Variants in EXD1 observed in about 807,000 individuals in gnomAD.
The protein encoded by EXD1 is exonuclease 3'-5' domain containing 1.
In EXD1, 63 loss-of-function variants were observed where a neutral mutation model predicts 49.1. The observed-to-expected ratio is 1.28, with a 90% CI of 1.05 to 1.58. The LOEUF (loss-of-function observed/expected upper bound fraction) is 1.58, where lower values mean the gene tolerates loss of function less well. EXD1 is among the 40% of genes most tolerant of loss of function. The pLI is 0.00. For synonymous variants in EXD1, 234 were observed against 239.2 expected (o/e 0.98, Z 0.20); for missense variants, 748 against 666.0 (o/e 1.12, Z -1.36).
In EXD1 at chr15:41,230,631, C is replaced by T; in HGVS notation, c.-206G>A. 2.1e-6 allele frequency: 3 copies of T among 1,424,250 alleles called. No individual in the cohort carries two copies. The highest frequency in any genetic ancestry group is 2.9e-6 in the Non-Finnish European group (3 of 1,025,174). The allele number at this position is 1,424,250 out of a possible 1,614,324, so 88.2% of individuals were successfully genotyped here. The stretch of plus-strand genomic sequence containing the variant: ...GGGGCTGCAATGAAGGAAGAAGTCT[C>T]GGGACGCTCCACGCCACCCGGCGGC... On this transcript the variant is annotated 5_prime_UTR_variant, in exon 1 of 12. Transcript: ENST00000458580.
chr15:41,217,696 C>T (rs1391065000), intron 3 of EXD1, among the ~76,000 whole-genome samples: 1 of 152,040 alleles, frequency 6.6e-6, no homozygotes, highest in South Asian at 2.1e-4. Flanking sequence ...CCACCACACA[C>T]AGCTAACTTT....
chr15:41,219,754 A>G (rs1295458612), intron 3 of EXD1, 76 bp downstream of exon 3: 11 of 1,243,778 alleles, frequency 8.8e-6, no homozygotes, highest in Non-Finnish European at 1.2e-5. Flanking sequence ...CATAAGCACA[A>G]CATTAAGACA....
chr15:41,211,585 G>C (rs975397967), intron 6 of EXD1, among the ~76,000 whole-genome samples: 2 of 152,100 alleles, frequency 1.3e-5, no homozygotes, highest in Non-Finnish European at 2.9e-5. Context: ...CAGTGAAGGA[G>C]GCTGAGGAGG....
intron 7 of EXD1, among the ~76,000 whole-genome samples, chr15:41,208,028 A>AAGAG (rs1387387329): frequency 6.6e-6 from 1 of 151,624 alleles, no homozygotes; most frequent in Non-Finnish European, 1.5e-5. Context: ...AAAAAAAAGA[A>AAGAG]AGAGAGAAAA....
At chr15:41,184,896 T>C (rs1239025039) in intron 11 of EXD1, among the ~76,000 whole-genome samples, 1 of 152,154 alleles carries the variant, frequency 6.6e-6, no homozygotes, top group African/African-American at 2.4e-5. Flanking sequence ...GACCTCGTGA[T>C]CCACCTGCCT....
intron 4 of EXD1, 108 bp from the exon 5 acceptor site, chr15:41,216,903 G>A (rs2047008150): frequency 2.7e-6 from 4 of 1,493,682 alleles, no homozygotes; most frequent in African/African-American, 1.4e-5. Context: ...TCATTAACTA[G>A]AGGACCCATT....
chr15:41,214,938 G>A (rs79442342), intron 6 of EXD1, among the ~76,000 whole-genome samples: 24,458 of 151,864 alleles, frequency 0.16, 3,625 homozygotes, highest in African/African-American at 0.39. Flanking sequence ...GTAGAGACGG[G>A]TTTTCACCGT....
At chr15:41,226,368 A>G in intron 2 of EXD1, 75 bp downstream of exon 2, 2 of 1,385,124 alleles carry the variant, frequency 1.4e-6, no homozygotes, top group Non-Finnish European at 2.0e-6. Flanking sequence ...CACCCTCCCA[A>G]TCACTAATGG....
At chr15:41,216,817 T>C (rs768965082) in intron 4 of EXD1, 22 bp from the exon 5 acceptor site, 10 of 1,611,208 alleles carry the variant, frequency 6.2e-6, no homozygotes, top group Non-Finnish European at 8.5e-6. Flanking sequence ...AGAAACAATA[T>C]TTGGGTGAAC....
intron 7 of EXD1, among the ~76,000 whole-genome samples, chr15:41,198,551 C>T (rs2140843892): frequency 6.6e-6 from 1 of 151,870 alleles, no homozygotes; most frequent in East Asian, 2.0e-4. Context: ...ATCAGCTGAG[C>T]ATGGTGGTGC....
chr15:41,222,644 T>A (rs1398909152), intron 2 of EXD1, among the ~76,000 whole-genome samples: 1 of 141,130 alleles, frequency 7.1e-6, no homozygotes, highest in African/African-American at 3.0e-5. Flanking sequence ...TTAAATTTTT[T>A]TTTTTTTTTT....
intron 5 of EXD1, among the ~76,000 whole-genome samples, chr15:41,216,136 C>T (rs2046995799): frequency 6.6e-6 from 1 of 152,072 alleles, no homozygotes; most frequent in Admixed American, 6.6e-5. Context: ...TATGAGTACA[C>T]ACACAGTATG....
chr15:41,198,899 G>A (rs1232557804), intron 7 of EXD1, among the ~76,000 whole-genome samples: 1 of 150,900 alleles, frequency 6.6e-6, no homozygotes, highest in African/African-American at 2.4e-5. Context: ...TAGGGACTAG[G>A]TTTGGTGATC....
Position 41,209,489 on chromosome 15 carries a change from A to G in EXD1, c.534+12T>C. 6.2e-7 allele frequency: 1 copy of G among 1,607,850 alleles called. No homozygotes were observed. The highest frequency in any genetic ancestry group is 8.5e-7 in the Non-Finnish European group (1 of 1,178,618). ...ATTACTTCAAAATAAAAAGTTTTCA[A>G]AAATCTTTCACCTGCAGCCAGCACA... On this transcript the variant is annotated intron_variant, in intron 7 of 11. Coordinates refer to ENST00000458580, the MANE Select transcript of EXD1 (RefSeq NM_001286441.2).
At chr15:41,223,408 A>G (rs2047118429) in intron 2 of EXD1, among the ~76,000 whole-genome samples, 2 of 151,886 alleles carry the variant, frequency 1.3e-5, no homozygotes, top group South Asian at 4.2e-4. Context: ...TGACAGAGCA[A>G]GACTCTGTGT....
chr15:41,201,493 T>A (rs2140855872), intron 7 of EXD1, among the ~76,000 whole-genome samples: 1 of 146,750 alleles, frequency 6.8e-6, no homozygotes, highest in East Asian at 2.0e-4. Flanking sequence ...AGATTTTTTT[T>A]TTTTTTTTTT....
intron 9 of EXD1, 96 bp downstream of exon 9, chr15:41,195,679 A>T (rs951756460): frequency 1.1e-6 from 1 of 893,494 alleles, no homozygotes; most frequent in Non-Finnish European, 1.6e-6. Flanking sequence ...AAAAAAAAAA[A>T]TTAAAAAGAC....
At chr15:41,223,317 G>T (rs1208381130) in intron 2 of EXD1, among the ~76,000 whole-genome samples, 2 of 152,124 alleles carry the variant, frequency 1.3e-5, no homozygotes, top group African/African-American at 4.8e-5. Context: ...CTATTTGGGA[G>T]GCTGAAGCAG....
At position 41,184,799 on chromosome 15, in the gene EXD1, C is replaced by T. The variant is rs547816779; in HGVS notation, c.1057-206G>A. On this transcript the variant is annotated intron_variant, in intron 11 of 11. Coordinates refer to ENST00000458580, the MANE Select transcript of EXD1 (RefSeq NM_001286441.2). ...CCTCCCAAGTAGCTGGGACTACAGG[C>T]GCCTGCCACCACGCCCAGCTAATTT... Among the ~76,000 whole-genome samples, 16 of 152,064 alleles carry T rather than the reference C, an allele frequency of 1.1e-4. No homozygotes were observed. The South Asian group carries it at 2.1e-3, about 20-fold the overall frequency.
Sources: allele counts gnomAD v4.1 joint callset (sites outside exome capture counted in the v4.1 genomes callset), GRCh38; gene constraint gnomAD v4.1.1; transcripts MANE v1.5; gene names NCBI Gene and HGNC (gene_info 2026-07-23, HGNC 2026-07-21).